The following BOD1L1 variants were observed in gnomAD, a reference collection of about 807,000 sequenced individuals.
BOD1L1 encodes the protein biorientation of chromosomes in cell division protein 1-like 1.
Under a neutral mutation model 240.7 loss-of-function variants are expected in BOD1L1, and 86 were observed. The ratio of observed to expected loss-of-function variants is 0.36; its 90% CI spans 0.30 to 0.43. The LOEUF is 0.43. BOD1L1 is among the 20% of genes least tolerant of loss of function. BOD1L1 has a pLI of 1.00. For synonymous variants in BOD1L1, 1,268 were observed against 1,272.3 expected (o/e 1.00, Z 0.07); for missense variants, 3,554 against 3,643.5 (o/e 0.98, Z 0.63).
rs757523158 is a variant in BOD1L1, at chr4:13,601,204, C to T, written c.5696G>A (p.Cys1899Tyr). 2 of 1,614,036 alleles carry T rather than the reference C, an allele frequency of 1.2e-6. No individual in the cohort carries two copies. Among genetic ancestry groups the T allele is most frequent in the East Asian group, 2.2e-5 (1 of 44,880 alleles). Reference sequence around the variant, plus strand: ...CTGACTGTCCCCTTCTGCACTTTCACAAATCAAGACCCCTTCACTTTCTTC... The same window carrying T: ...CTGACTGTCCCCTTCTGCACTTTCATAAATCAAGACCCCTTCACTTTCTTC... ...LGEESEGVLI[C>Y]ESAEGDSQIG... is the part of the protein sequence containing the mutation. The change falls in exon 10 of 26, where the codon TGT becomes TAT. Residue 1899 changes from cysteine (C) to tyrosine (Y), a missense_variant. Coordinates refer to ENST00000040738, the MANE Select transcript of BOD1L1 (RefSeq NM_148894.3).
chr4:13,572,797 G>A, intron 25 of BOD1L1: 3 of 1,289,802 alleles, frequency 2.3e-6, no homozygotes, highest in Non-Finnish European at 3.0e-6. Flanking sequence ...TGTCTGGGCT[G>A]CCAAGTTTGG....
intron 17 of BOD1L1, among the ~76,000 whole-genome samples, chr4:13,585,974 T>C (rs939766956): frequency 6.6e-6 from 1 of 152,210 alleles, no homozygotes; most frequent in African/African-American, 2.4e-5. Flanking sequence ...CTCAGGTATG[T>C]CTTTATTAGC....
intron 25 of BOD1L1, among the ~76,000 whole-genome samples, chr4:13,571,157 T>C (rs759723750): frequency 5.3e-5 from 8 of 152,154 alleles, no homozygotes; most frequent in Non-Finnish European, 7.4e-5. Context: ...TACACATATA[T>C]CTCCCCCATT....
chr4:13,579,583 A>T (rs576105370), intron 22 of BOD1L1, among the ~76,000 whole-genome samples: 17 of 152,384 alleles, frequency 1.1e-4, no homozygotes, highest in Middle Eastern at 3.4e-3. Context: ...CACAAAATGC[A>T]TACATATACA....
At chr4:13,612,377 T>C (rs924574240) in intron 5 of BOD1L1, among the ~76,000 whole-genome samples, 3 of 152,188 alleles carry the variant, frequency 2.0e-5, no homozygotes, top group African/African-American at 7.2e-5. Context: ...AATTTAATCA[T>C]GTGGTAAGAG....
intron 1 of BOD1L1, chr4:13,625,686 T>C (rs1717336942): frequency 6.6e-6 from 1 of 152,172 alleles, no homozygotes; most frequent in African/African-American, 2.4e-5. Context: ...TACCTGGCCA[T>C]GTCTAACCTT....
rs1465737886 is a variant in BOD1L1, at chr4:13,595,857, C to T, written c.8104+3G>A. On this transcript the variant is annotated splice_donor_region_variant and intron_variant, in intron 12 of 25. Transcript: ENST00000040738. The stretch of plus-strand genomic sequence containing the variant: ...ATGTGAACAACCATTCTAAAGAGCT[C>T]ACCTATTCCACTTGGCTTTCCCCCA... 6.2e-7 allele frequency: 1 copy of T among 1,611,614 alleles called. No individual in the cohort carries two copies. The highest frequency in any genetic ancestry group is 1.1e-5 in the South Asian group (1 of 90,622).
chr4:13,623,238 C>T (rs945354326), intron 1 of BOD1L1, among the ~76,000 whole-genome samples: 1 of 151,986 alleles, frequency 6.6e-6, no homozygotes, highest in East Asian at 1.9e-4. Context: ...TGGTTCACTG[C>T]TGTATCCCTG....
chr4:13,605,985 TACTC>T (rs754736150), intron 9 of BOD1L1, among the ~76,000 whole-genome samples: 4 of 152,208 alleles, frequency 2.6e-5, no homozygotes, highest in Admixed American at 2.0e-4. Flanking sequence ...ACTTCAATAA[TACTC>T]ACTGACTACT....
At chr4:13,616,640 T>C (rs1344817551) in intron 2 of BOD1L1, among the ~76,000 whole-genome samples, 13 of 152,232 alleles carry the variant, frequency 8.5e-5, no homozygotes, top group Non-Finnish European at 1.5e-5. Context: ...CTCTATGGAA[T>C]GGATGAGGAG....
chr4:13,574,920 T>C (rs1712564378), intron 25 of BOD1L1, among the ~76,000 whole-genome samples: 1 of 147,556 alleles, frequency 6.8e-6, no homozygotes, highest in Non-Finnish European at 1.5e-5. Context: ...TTTGTTTTTT[T>C]TTGTTTTTTT....
intron 5 of BOD1L1, among the ~76,000 whole-genome samples, chr4:13,611,794 A>G (rs1003194921): frequency 2.6e-5 from 4 of 152,224 alleles, no homozygotes; most frequent in Non-Finnish European, 5.9e-5. Context: ...AGTTTAAAAT[A>G]AACTTGAGAT....
chr4:13,605,117 T>C, intron 9 of BOD1L1, 33 bp from the exon 10 acceptor site: 1 of 1,443,978 alleles, frequency 6.9e-7, no homozygotes, highest in Non-Finnish European at 9.2e-7. Context: ...ATATGAGAAA[T>C]ACCAAAATCA....
rs570891192 is a variant in BOD1L1 at position 13,618,842 on chromosome 4, G to A, written c.368+1101C>T. 1.9e-3 allele frequency among the ~76,000 whole-genome samples: 281 copies of A among 146,346 alleles called. 3 individuals carry two copies. The highest frequency in any genetic ancestry group is 2.7e-3 in the Non-Finnish European group (180 of 66,534). On this transcript the variant is annotated intron_variant, in intron 2 of 25. Transcript: ENST00000040738. ...ACAAAAGGAAATTAAGAGGTGGCAGGTATAAAACAGATTTGTTTAACTGTT... is the reference window on the plus strand; with the variant it reads ...ACAAAAGGAAATTAAGAGGTGGCAGATATAAAACAGATTTGTTTAACTGTT...
chr4:13,622,655 C>A (rs28513270), intron 1 of BOD1L1, among the ~76,000 whole-genome samples: 1,986 of 152,280 alleles, frequency 0.013, 44 homozygotes, highest in African/African-American at 0.046. Flanking sequence ...TGTTCCAAGG[C>A]ATTCTCATCT....
rs768715407 is a variant in BOD1L1, at chr4:13,581,142, C to T, written c.8658G>A (p.Thr2886=). The change falls in exon 20 of 26, where the codon ACG becomes ACA. Residue 2886 remains threonine (T), a synonymous_variant. Coordinates refer to ENST00000040738, the MANE Select transcript of BOD1L1 (RefSeq NM_148894.3). ...GRPRKYPVET[T]LKMKDDSKTD... ...ACACCAAGTACCTACTCATTTTTAA[C>T]GTTGTTTCTACAGGGTATTTGCGAG... is the stretch of plus-strand genomic sequence containing the variant. 2.0e-5 allele frequency: 32 copies of T among 1,576,520 alleles called. No homozygotes were observed. The highest frequency in any genetic ancestry group is 1.3e-4 in the South Asian group (11 of 85,922).
Position 13,604,585 on chromosome 4 carries a change from A to G in BOD1L1, c.2315T>C (p.Ile772Thr). 6.4e-7 allele frequency: 1 copy of G among 1,568,252 alleles called. No homozygotes were observed. Among genetic ancestry groups the G allele is most frequent in the East Asian group, 2.3e-5 (1 of 44,268 alleles). Reference sequence around the variant, plus strand: ...CTTTGTTTGTTGACTTTGCTTTTGAATATTTTCCTCTACTTTTAAACCTTT... The same window carrying G: ...CTTTGTTTGTTGACTTTGCTTTTGAGTATTTTCCTCTACTTTTAAACCTTT... ...SEKGLKVEEN[I>T]QKQSQQTKLS... is the part of the protein sequence containing the mutation. The change falls in exon 10 of 26, where the codon ATT becomes ACT. Residue 772 changes from isoleucine to threonine, a missense_variant. Physicochemically the swap from Ile to Thr is moderately conservative, Grantham distance 89. Around this residue, in one of 2 missense-constraint regions of BOD1L1, gnomAD observed 3,393 missense variants for 3,427.1 expected, o/e 0.99. Transcript: ENST00000040738.
intron 1 of BOD1L1, chr4:13,624,055 G>A (rs753688586): frequency 2.6e-5 from 4 of 151,596 alleles, no homozygotes; most frequent in Non-Finnish European, 5.9e-5. Context: ...AGAAAATGAA[G>A]TATAAAATGG....
chr4:13,604,265 C>G lies in BOD1L1; in HGVS notation c.2635G>C (p.Asp879His). The G allele has an allele frequency of 6.2e-7, 1 of 1,611,280 alleles. No homozygotes were observed. Among genetic ancestry groups the G allele is most frequent in the Non-Finnish European group, 8.5e-7 (1 of 1,179,312 alleles). The change falls in exon 10 of 26, where the codon GAC becomes CAC. Residue 879 changes from aspartate (D) to histidine (H), a missense_variant. Asp to His is a moderately conservative substitution (Grantham distance 81). This residue lies in a region of BOD1L1 where 3,393 missense variants were observed against 3,427.1 expected (regional missense o/e 0.99). Coordinates refer to ENST00000040738, the MANE Select transcript of BOD1L1 (RefSeq NM_148894.3). ...AAATTACTATCCATGTTAGTGGAGTCCATATCACACTTATCTTCCGAATAA... is the reference window on the plus strand; with the variant it reads ...AAATTACTATCCATGTTAGTGGAGTGCATATCACACTTATCTTCCGAATAA... ...ESYSEDKCDM[D>H]STNMDSNLKP... is the part of the protein sequence containing the mutation.
Sources: gnomAD v4.1 joint callset for allele counts (sites outside exome capture counted in the v4.1 genomes callset) on GRCh38, gnomAD v4.1.1 for gene constraint, gnomAD v4.1.1 regional missense constraint, MANE v1.5 for transcripts, NCBI Gene and HGNC (gene_info 2026-07-23, HGNC 2026-07-21) for gene names.